The following TRIO variants were observed in gnomAD, a reference collection of about 807,000 sequenced individuals.
TRIO encodes triple functional domain protein.
Under a neutral mutation model 351.9 loss-of-function variants are expected in TRIO, and 58 were observed. The observed-to-expected ratio is 0.16, with a 90% CI of 0.13 to 0.21. The LOEUF (loss-of-function observed/expected upper bound fraction) is 0.21. Ranked by LOEUF, TRIO falls within the 10% of genes least tolerant of loss-of-function variation. The pLI is 1.00. For synonymous variants in TRIO, 1,758 were observed against 1,595.7 expected, an observed-to-expected ratio of 1.10 and a Z score of -2.42; for missense variants, 3,201 against 4,027.8, an observed-to-expected ratio of 0.79 and a Z score of 5.56.
intron 1 of TRIO, among the ~76,000 whole-genome samples, chr5:14,174,926 A>G (rs148359995): frequency 9.9e-5 from 15 of 152,240 alleles, no homozygotes; most frequent in Admixed American, 9.8e-4. Context: ...TAATTATTAC[A>G]GATCTCTCAA....
intron 33 of TRIO, among the ~76,000 whole-genome samples, chr5:14,417,288 T>G (rs1244405558): frequency 6.6e-6 from 1 of 152,262 alleles, no homozygotes; most frequent in African/African-American, 2.4e-5. Context: ...TGATTCACTT[T>G]GTTGATACTG....
intron 34 of TRIO, among the ~76,000 whole-genome samples, chr5:14,453,236 A>G (rs975306889): frequency 5.3e-5 from 8 of 152,176 alleles, no homozygotes; most frequent in South Asian, 2.1e-4. Flanking sequence ...TGGCTTTCTC[A>G]TGCGCACAGC....
chr5:14,455,111 G>A (rs1202828566), intron 34 of TRIO, among the ~76,000 whole-genome samples: 1 of 152,208 alleles, frequency 6.6e-6, no homozygotes, highest in Non-Finnish European at 1.5e-5. Context: ...CGGACCCAAA[G>A]AGTGAGTAGC....
At chr5:14,373,411 A>G (rs189724022) in intron 18 of TRIO, among the ~76,000 whole-genome samples, 1 of 152,312 alleles carries the variant, frequency 6.6e-6, no homozygotes, top group East Asian at 1.9e-4. Flanking sequence ...GGCTCTAAAT[A>G]CCATTTAACA....
intron 27 of TRIO, among the ~76,000 whole-genome samples, chr5:14,391,733 G>T (rs1747100467): frequency 6.6e-6 from 1 of 152,242 alleles, no homozygotes; most frequent in Non-Finnish European, 1.5e-5. Flanking sequence ...TGTTGGACTT[G>T]TTTTCTGTCT....
At chr5:14,357,925 CCCGCCGTTCGCCTGTTTATTTT>C in intron 11 of TRIO, among the ~76,000 whole-genome samples, 1 of 152,090 alleles carries the variant, frequency 6.6e-6, no homozygotes, top group African/African-American at 2.4e-5. Context: ...GACAGTGCTG[CCCGCCGTTCGCCTGTTTATTTT>C]CCTCCCTGCG....
intron 1 of TRIO, among the ~76,000 whole-genome samples, chr5:14,221,918 T>C (rs1231223527): frequency 6.6e-6 from 1 of 152,238 alleles, no homozygotes; most frequent in East Asian, 1.9e-4. Flanking sequence ...GATAAAATGC[T>C]GTCAAACAGC....
rs1023803930 is a variant in TRIO at position 14,143,636 on chromosome 5, G to C, written c.-90G>C. 1 of 553,788 alleles carries C rather than the reference G, an allele frequency of 1.8e-6. No homozygotes were observed. The highest frequency in any genetic ancestry group is 6.6e-5 in the Admixed American group (1 of 15,158). The allele number at this position is 553,788 out of a possible 1,614,324, so 34.3% of individuals were successfully genotyped here. A position where few individuals can be genotyped will look rare whatever the true frequency, so the allele number is the denominator to read the frequency against. ...GCCGGGCGCGGGCAGCTGGGTGCTCGGCGCCGCCAGGCCCGGCGCGGAGCG... is the reference window on the plus strand; with the variant it reads ...GCCGGGCGCGGGCAGCTGGGTGCTCCGCGCCGCCAGGCCCGGCGCGGAGCG... On this transcript the variant is annotated 5_prime_UTR_variant, in exon 1 of 57. Transcript: ENST00000344204.
intron 53 of TRIO, among the ~76,000 whole-genome samples, chr5:14,500,050 CAAAAAAAAAA>C (rs35276206): frequency 1.1e-5 from 1 of 91,112 alleles, no homozygotes; most frequent in Non-Finnish European, 2.2e-5. Context: ...GACTCTGTCT[CAAAAAAAAAA>C]AAAAAAAAAG....
chr5:14,226,474 A>G (rs1793040554), intron 1 of TRIO, among the ~76,000 whole-genome samples: 2 of 152,202 alleles, frequency 1.3e-5, no homozygotes, highest in Non-Finnish European at 2.9e-5. Context: ...AAACAGAATA[A>G]TTTTACTTAC....
In TRIO at chr5:14,325,178, C is replaced by T. The variant is rs766928164; in HGVS notation, c.1732-5600C>T. ...ATATCATTTACATTGGTTTTCACAT[C>T]GTATGTTGTTGTGAGGTAGGCTTTG... On this transcript the variant is annotated intron_variant, in intron 9 of 56. Transcript: ENST00000344204. 9.2e-4 allele frequency among the ~76,000 whole-genome samples: 140 copies of T among 152,242 alleles called. 3 individuals are homozygous for T. The highest frequency in any genetic ancestry group is 3.3e-4 in the Admixed American group (5 of 15,286).
chr5:14,370,228 C>T (rs1413894715), intron 18 of TRIO, among the ~76,000 whole-genome samples: 2 of 151,990 alleles, frequency 1.3e-5, no homozygotes, highest in South Asian at 2.1e-4. Flanking sequence ...TGGGCTTAAG[C>T]GGTCCTCCCG....
intron 34 of TRIO, among the ~76,000 whole-genome samples, chr5:14,426,533 C>T (rs1750655039): frequency 6.6e-6 from 1 of 152,198 alleles, no homozygotes; most frequent in African/African-American, 2.4e-5. Flanking sequence ...AAGGAACTGT[C>T]CAGGAACTCA....
chr5:14,226,523 C>G (rs1346275695), intron 1 of TRIO, among the ~76,000 whole-genome samples: 2 of 152,122 alleles, frequency 1.3e-5, no homozygotes, highest in African/African-American at 2.4e-5. Context: ...TCTGAACATT[C>G]TTTTTGAAAC....
Position 14,461,331 on chromosome 5 carries a change from T to C in TRIO, c.5496+20T>C. 1 of 1,526,490 alleles carries C rather than the reference T, an allele frequency of 6.6e-7. No homozygotes were observed. The highest frequency in any genetic ancestry group is 1.3e-5 in the South Asian group (1 of 77,408). 94.6% of individuals were successfully genotyped at this position (1,526,490 alleles called of 1,614,324 possible). ...GAGGAGGTGAGGCTCTGCCCGCTGGTTGGGGCCGGCGTGGCGGGGCCCGCT... is the reference window on the plus strand; with the variant it reads ...GAGGAGGTGAGGCTCTGCCCGCTGGCTGGGGCCGGCGTGGCGGGGCCCGCT... On this transcript the variant is annotated intron_variant, in intron 35 of 56. Transcript: ENST00000344204.
intron 34 of TRIO, among the ~76,000 whole-genome samples, chr5:14,436,743 A>G (rs1751620673): frequency 6.6e-6 from 1 of 152,218 alleles, no homozygotes. Flanking sequence ...GAGCAGTCAA[A>G]TCTTAAAACT....
intron 8 of TRIO, among the ~76,000 whole-genome samples, chr5:14,309,141 C>T (rs1014709699): frequency 7.5e-6 from 1 of 133,412 alleles, no homozygotes; most frequent in African/African-American, 2.8e-5. Context: ...ACTGCTGTAT[C>T]TATCTGTGTC....
At chr5:14,455,983 T>C (rs1753266510) in intron 34 of TRIO, among the ~76,000 whole-genome samples, 1 of 152,236 alleles carries the variant, frequency 6.6e-6, no homozygotes, top group Non-Finnish European at 1.5e-5. Context: ...TTGGGCATGG[T>C]GGGCTGCAGG....
intron 2 of TRIO, among the ~76,000 whole-genome samples, chr5:14,275,917 T>C (rs1320291233): frequency 6.8e-6 from 1 of 147,982 alleles, no homozygotes; most frequent in South Asian, 2.1e-4. Flanking sequence ...TATGTCTATA[T>C]GTATGTTTAT....
Sources: allele counts gnomAD v4.1 joint callset (sites outside exome capture counted in the v4.1 genomes callset), GRCh38; gene constraint gnomAD v4.1.1; transcripts MANE v1.5; gene names NCBI Gene and HGNC (gene_info 2026-07-23, HGNC 2026-07-21).